The following LARGE2 variants were observed in gnomAD, a reference collection of about 807,000 sequenced individuals.
LARGE2 encodes xylosyl- and glucuronyltransferase LARGE2.
A neutral mutation model predicts 75.3 loss-of-function variants in LARGE2; 63 were observed. The ratio of observed to expected loss-of-function variants is 0.84; its 90% CI spans 0.68 to 1.03. LARGE2 has a LOEUF of 1.03. LARGE2 is among the 50% of genes least tolerant of loss of function. LARGE2 has a pLI of 0.00. For missense variants in LARGE2, 925 were observed against 980.6 expected (o/e 0.94, Z 0.76); for synonymous variants, 428 against 420.1 (o/e 1.02, Z -0.23).
chr11:45,926,192 G>A (rs1316766315), intron 7 of LARGE2, 30 bp from the exon 8 acceptor site: 2 of 1,612,194 alleles, frequency 1.2e-6, no homozygotes, highest in Non-Finnish European at 1.7e-6. Flanking sequence ...GCAGGCTGGG[G>A]GCTGGGATGT....
rs758052992 is a variant in LARGE2 at position 45,922,928 on chromosome 11, TTGCTGC to T, written c.60_65del (p.Leu21_Leu22del). The T allele has an allele frequency of 7.8e-7, 1 of 1,275,396 alleles. No individual in the cohort carries two copies. The highest frequency in any genetic ancestry group is 9.9e-7 in the Non-Finnish European group (1 of 1,014,778). The allele number at this position is 1,275,396 out of a possible 1,614,324, so 79.0% of individuals were successfully genotyped here. A position where few individuals can be genotyped will look rare whatever the true frequency, so the allele number is the denominator to read the frequency against. On this transcript the variant is annotated inframe_deletion, in exon 2 of 14. Transcript: ENST00000401752. ...CCGGGCGCTGGGGGCCGCCGCGCTGTTGCTGCTGCTGCTGCTGCTCGGATTCCTCCT... is the reference window on the plus strand; with the variant it reads ...CCGGGCGCTGGGGGCCGCCGCGCTGTTGCTGCTGCTGCTCGGATTCCTCCT...
intron 10 of LARGE2, 113 bp downstream of exon 10, chr11:45,926,984 AG>A: frequency 8.8e-7 from 1 of 1,141,332 alleles, no homozygotes; most frequent in Non-Finnish European, 1.2e-6. Flanking sequence ...CCTGTCCCTC[AG>A]GGAGTTCCAG....
chr11:45,923,010 G>C lies in LARGE2; in HGVS notation c.128G>C (p.Gly43Ala). 7.4e-7 allele frequency: 1 copy of C among 1,357,494 alleles called. No homozygotes were observed. Among genetic ancestry groups the C allele is most frequent in the Non-Finnish European group, 9.4e-7 (1 of 1,059,300 alleles). The allele number at this position is 1,357,494 out of a possible 1,614,324, so 84.1% of individuals were successfully genotyped here. ...CGCCGCGAGCCTGGCGGGCGAGCGG[G>C]GGCCCCGGGATGCTTCCCCGGCCCG... ...CERREPGGRA[G>A]APGCFPGPLM... Residue 43 changes from glycine to alanine, a missense_variant, in exon 2 of 14, where the codon GGG (glycine) becomes GCG (alanine). Physicochemically the swap from Gly to Ala is moderately conservative, Grantham distance 60 (BLOSUM62 0). Around this residue, in one of 3 missense-constraint regions of LARGE2, gnomAD observed 453 missense variants for 460.2 expected, o/e 0.98. Coordinates refer to ENST00000401752, the MANE Select transcript of LARGE2 (RefSeq NM_001300721.2).
At chr11:45,922,548 G>A (rs1285841642), upstream of LARGE2, 1 of 187,394 alleles carries the variant, frequency 5.3e-6, no homozygotes, top group Non-Finnish European at 1.1e-5. Flanking sequence ...ACCGTCGGAT[G>A]CCGGCCCAAG....
chr11:45,923,985 CAAAAAAAAAAAAAAAAAA>C (rs60577963), intron 3 of LARGE2, among the ~76,000 whole-genome samples, 151 bp from the exon 4 acceptor site: 17 of 69,526 alleles, frequency 2.4e-4, no homozygotes, highest in South Asian at 5.4e-4. Flanking sequence ...GACTCCGTCT[CAAAAAAAAAAAAAAAAAA>C]AAAAAAAAAA....
In LARGE2 at chr11:45,922,935, T is replaced by C; in HGVS notation, c.53T>C (p.Leu18Pro). ...CTGGGGGCCGCCGCGCTGTTGCTGCTGCTGCTGCTGCTCGGATTCCTCCTG... is the reference window on the plus strand; with the variant it reads ...CTGGGGGCCGCCGCGCTGTTGCTGCCGCTGCTGCTGCTCGGATTCCTCCTG... ...RALGAAALLL[L>P]LLLLGFLLFG... The change falls in exon 2 of 14, where the codon CTG (leucine) becomes CCG (proline). Residue 18 changes from leucine to proline, a missense_variant. By Grantham distance (98) the Leu-to-Pro change is moderately conservative. Around this residue, in one of 3 missense-constraint regions of LARGE2, gnomAD observed 453 missense variants for 460.2 expected, o/e 0.98. Transcript: ENST00000401752. 7.8e-7 allele frequency: 1 copy of C among 1,283,206 alleles called. No homozygotes were observed. The allele number at this position is 1,283,206 out of a possible 1,614,324, so 79.5% of individuals were successfully genotyped here.
chr11:45,927,919 G>A lies in LARGE2; in HGVS notation c.1605-1G>A. ...CCCTGCTCATGGGTGCTCCTCCTCA[G>A]GGCCTCCATTGAGCAGCTGGGGCTG... On this transcript the variant is annotated splice_acceptor_variant, in intron 11 of 13. Transcript: ENST00000401752. LOFTEE classifies it high-confidence loss of function. 1 of 1,612,916 alleles carries A rather than the reference G, an allele frequency of 6.2e-7. No homozygotes were observed. The highest frequency in any genetic ancestry group is 8.5e-7 in the Non-Finnish European group (1 of 1,179,660).
intron 11 of LARGE2, 62 bp downstream of exon 11, chr11:45,927,655 G>T (rs1443963009): frequency 3.5e-5 from 56 of 1,580,166 alleles, no homozygotes; most frequent in Non-Finnish European, 4.7e-5. Flanking sequence ...GCATGCGTGG[G>T]ACCCCAGGCT....
At chr11:45,926,649 C>CT in intron 9 of LARGE2, 52 bp downstream of exon 9, 1 of 1,612,554 alleles carries the variant, frequency 6.2e-7, no homozygotes, top group Non-Finnish European at 8.5e-7. Flanking sequence ...GGGACCCAGC[C>CT]TTGTCTGGGG....
rs1160399378 is a variant in LARGE2, at chr11:45,927,208, A to C, written c.1326-107A>C. On this transcript the variant is annotated intron_variant, in intron 10 of 13. Coordinates refer to ENST00000401752, the MANE Select transcript of LARGE2 (RefSeq NM_001300721.2). ...AAAAGTATTTGAAGGGTGCTCAGTAAGTCACTTGAGGAGGTGGCAGCAGCA... is the reference window on the plus strand; with the variant it reads ...AAAAGTATTTGAAGGGTGCTCAGTACGTCACTTGAGGAGGTGGCAGCAGCA... 2.4e-6 allele frequency: 3 copies of C among 1,243,730 alleles called. No individual in the cohort carries two copies. In the African/African-American group the frequency reaches 4.5e-5, roughly 19 times the overall value. 77.0% of individuals were successfully genotyped at this position (1,243,730 alleles called of 1,614,324 possible). A position where few individuals can be genotyped will look rare whatever the true frequency, so the allele number is the denominator to read the frequency against.
Position 45,927,970 on chromosome 11 carries a change from T to C in LARGE2, c.1655T>C (p.Val552Ala). The C allele has an allele frequency of 6.2e-7, 1 of 1,613,758 alleles. No homozygotes were observed. The highest frequency in any genetic ancestry group is 8.5e-7 in the Non-Finnish European group (1 of 1,180,006). ...GLGSRRKAAL[V>A]VPAFETLRYR... ...GGCAGCCGGCGCAAGGCAGCACTGG[T>C]GGTGCCGGCATTCGAGACCCTGCGC... The change falls in exon 12 of 14, where the codon GTG becomes GCG. Residue 552 changes from valine to alanine, a missense_variant. Around this residue, in one of 3 missense-constraint regions of LARGE2, gnomAD observed 469 missense variants for 503.8 expected, o/e 0.93. Coordinates refer to ENST00000401752, the MANE Select transcript of LARGE2 (RefSeq NM_001300721.2).
At chr11:45,927,828 G>A in intron 11 of LARGE2, 92 bp from the exon 12 acceptor site, 1 of 1,580,716 alleles carries the variant, frequency 6.3e-7, no homozygotes, top group Non-Finnish European at 8.6e-7. Context: ...GCCCATGGTG[G>A]TCTAGTCCTG....
At position 45,926,083 on chromosome 11, in the gene LARGE2, G is replaced by T; in HGVS notation, c.814G>T (p.Glu272Ter). 6.4e-7 allele frequency: 1 copy of T among 1,562,172 alleles called. No homozygotes were observed. The highest frequency in any genetic ancestry group is 1.2e-5 in the South Asian group (1 of 85,160). The stretch of plus-strand genomic sequence containing the variant: ...GGACCGGCTCCGGCAGGCTGGCTGG[G>T]AGCAGATGTGGAGGCTGACAGCCAG... ...RLDRLRQAGWEQMWRLTARRE... is the reference protein window; with the variant it reads ...RLDRLRQAGW Residue 272 changes from glutamate (E) to a stop codon, truncating the protein, a stop_gained, in exon 7 of 14, where the codon GAG (glutamate) becomes TAG (stop). Transcript: ENST00000401752. LOFTEE classifies it high-confidence loss of function.
In LARGE2 at chr11:45,923,110, C is replaced by G. The variant is rs1408981934; in HGVS notation, c.228C>G (p.Pro76=). 5 of 1,392,474 alleles carry G rather than the reference C, an allele frequency of 3.6e-6. No individual in the cohort carries two copies. The African/African-American group carries it at 4.5e-5, about 13-fold the overall frequency. 86.3% of individuals were successfully genotyped at this position (1,392,474 alleles called of 1,614,324 possible). The change falls in exon 2 of 14, where the codon CCC becomes CCG. Residue 76 remains proline (P), a synonymous_variant. Transcript: ENST00000401752. ...AALDGDPGAG[P]GDHNRSDCGP... ...TCGACGGAGACCCGGGGGCCGGCCC[C>G]GGGGACCACAACCGCTCCGACTGCG...
upstream of LARGE2, chr11:45,922,550 C>T (rs1292360098): frequency 3.7e-5 from 7 of 188,890 alleles, no homozygotes; most frequent in Non-Finnish European, 5.4e-5. Context: ...CGTCGGATGC[C>T]GGCCCAAGGG....
Position 45,928,970 on chromosome 11 carries a change from G to A in LARGE2, c.*125G>A, listed in dbSNP as rs1217162440. 17 of 1,308,406 alleles carry A rather than the reference G, an allele frequency of 1.3e-5. No individual in the cohort carries two copies. Among genetic ancestry groups the A allele is most frequent in the Non-Finnish European group, 1.8e-5 (17 of 954,958 alleles). The allele number at this position is 1,308,406 out of a possible 1,614,324, so 81.0% of individuals were successfully genotyped here. ...AGGGCTGGGGCAGAGCATCTGTGGG[G>A]TGGGGTCTTCCCCTTGCTGCTATTG... is the stretch of plus-strand genomic sequence containing the variant. On this transcript the variant is annotated 3_prime_UTR_variant, in exon 14 of 14. Transcript: ENST00000401752.
Position 45,926,495 on chromosome 11 carries a change from ATTC to A in LARGE2, c.1066_1068del (p.Phe356del), listed in dbSNP as rs779455144. The A allele has an allele frequency of 1.5e-5, 24 of 1,613,974 alleles. No homozygotes were observed. Among genetic ancestry groups the A allele is most frequent in the Middle Eastern group, 1.6e-4 (1 of 6,084 alleles). ...TTCGGGTGAAGAACAAGCATGTGGAATTCTTCCGCAATTTCTACCTGACCTTCC... is the reference window on the plus strand; with the variant it reads ...TTCGGGTGAAGAACAAGCATGTGGAATTCCGCAATTTCTACCTGACCTTCC... On this transcript the variant is annotated inframe_deletion, in exon 9 of 14. Coordinates refer to ENST00000401752, the MANE Select transcript of LARGE2 (RefSeq NM_001300721.2).
chr11:45,927,823 T>C (rs2087267455), intron 11 of LARGE2, 97 bp from the exon 12 acceptor site: 3 of 1,571,534 alleles, frequency 1.9e-6, no homozygotes, highest in East Asian at 2.2e-5. Flanking sequence ...AGATGGCCCA[T>C]GGTGGTCTAG....
At chr11:45,924,950 C>T in intron 6 of LARGE2, 61 bp downstream of exon 6, 1 of 1,042,072 alleles carries the variant, frequency 9.6e-7, no homozygotes, top group Non-Finnish European at 1.4e-6. Context: ...GCCCCTGGGG[C>T]TGGGTGGGGC....
Sources: allele counts gnomAD v4.1 joint callset (sites outside exome capture counted in the v4.1 genomes callset), GRCh38; gene constraint gnomAD v4.1.1; regional missense constraint gnomAD v4.1.1; transcripts MANE v1.5; gene names NCBI Gene and HGNC (gene_info 2026-07-23, HGNC 2026-07-21).